The following RARB variants were observed in gnomAD, a reference collection of about 807,000 sequenced individuals.
RARB encodes the protein HBV-activated protein.
In RARB, 17 loss-of-function variants were observed where a neutral mutation model predicts 51.9. The observed-to-expected ratio is 0.33, with a 90% confidence interval of 0.22 to 0.49. The LOEUF (loss-of-function observed/expected upper bound fraction) is 0.49. Among genes scored for constraint, RARB ranks in the 20% least tolerant of loss-of-function variants. The pLI is 0.99. For synonymous variants in RARB, 215 were observed against 195.4 expected, an observed-to-expected ratio of 1.10 and a Z score of -0.84; for missense variants, 369 against 550.8, an observed-to-expected ratio of 0.67 and a Z score of 3.30.
chr3:25,145,229 T>G (rs1474505042), intron 4 of RARB, among the ~76,000 whole-genome samples: 1 of 152,248 alleles, frequency 6.6e-6, no homozygotes, highest in Non-Finnish European at 1.5e-5. Context: ...AATGGTTGCA[T>G]GCTCTTCTCT....
At chr3:25,061,519 T>A (rs1698548637) in intron 3 of RARB, among the ~76,000 whole-genome samples, 1 of 151,864 alleles carries the variant, frequency 6.6e-6, no homozygotes, top group Non-Finnish European at 1.5e-5. Context: ...TGTAACTTTG[T>A]TTTCTTCTCT....
At chr3:25,337,637 C>G (rs1005474152) in intron 5 of RARB, among the ~76,000 whole-genome samples, 2 of 152,144 alleles carry the variant, frequency 1.3e-5, no homozygotes, top group Admixed American at 6.6e-5. Flanking sequence ...TCATATTTTT[C>G]AATTACTTCT....
chr3:25,060,416 C>T (rs922162101), intron 3 of RARB, among the ~76,000 whole-genome samples: 16 of 151,664 alleles, frequency 1.1e-4, no homozygotes, highest in African/African-American at 3.9e-4. Context: ...TCTGCTAACA[C>T]GTGGATGGTA....
intron 2 of RARB, among the ~76,000 whole-genome samples, chr3:25,025,783 C>A (rs1195417828): frequency 6.6e-6 from 1 of 152,116 alleles, no homozygotes; most frequent in Non-Finnish European, 1.5e-5. Context: ...CAAGTAAACA[C>A]TTTGTGAAAC....
intron 5 of RARB, among the ~76,000 whole-genome samples, chr3:25,223,256 T>A (rs946546398): frequency 5.9e-5 from 9 of 152,258 alleles, no homozygotes; most frequent in African/African-American, 2.2e-4. Context: ...GAATTATACT[T>A]GTAGTCTTTT....
At chr3:25,519,411 C>T (rs1448505991) in intron 3 of RARB, among the ~76,000 whole-genome samples, 1 of 152,186 alleles carries the variant, frequency 6.6e-6, no homozygotes, top group African/African-American at 2.4e-5. Context: ...CCACTTGTTC[C>T]ACATCCTTGC....
chr3:25,222,991 G>A (rs1457730377), intron 5 of RARB, among the ~76,000 whole-genome samples: 1 of 152,056 alleles, frequency 6.6e-6, no homozygotes, highest in Non-Finnish European at 1.5e-5. Flanking sequence ...TTTTTAAGAA[G>A]GTAGATAGAA....
chr3:25,406,313 A>G (rs777976135), intron 5 of RARB, among the ~76,000 whole-genome samples: 1 of 152,348 alleles, frequency 6.6e-6, no homozygotes, highest in South Asian at 2.1e-4. Context: ...CGCAACCTCC[A>G]TCAGGGATTG....
At chr3:24,937,334 G>A (rs981321341) in intron 2 of RARB, among the ~76,000 whole-genome samples, 2 of 152,038 alleles carry the variant, frequency 1.3e-5, no homozygotes, top group African/African-American at 4.8e-5. Flanking sequence ...GCTGGAGAGG[G>A]GCCATCAACA....
chr3:25,003,194 C>CAAAAAAA (rs565249387), intron 2 of RARB, among the ~76,000 whole-genome samples: 2,144 of 89,220 alleles, frequency 0.024, 59 homozygotes, highest in African/African-American at 0.082. Flanking sequence ...GATCATAATG[C>CAAAAAAA]AAAAAAAAAA....
At chr3:25,433,796 C>G (rs766844232) in intron 1 of RARB, among the ~76,000 whole-genome samples, 11 of 152,184 alleles carry the variant, frequency 7.2e-5, no homozygotes, top group Non-Finnish European at 1.5e-4. Context: ...TTCCCAGCTT[C>G]CTTACCCCAT....
At chr3:25,417,464 G>A (rs1417118816) in intron 5 of RARB, among the ~76,000 whole-genome samples, 2 of 152,202 alleles carry the variant, frequency 1.3e-5, no homozygotes, top group African/African-American at 4.8e-5. Context: ...CATGGGGGCA[G>A]ATCTTTCCTG....
chr3:25,521,888 T>C (rs1436588092), intron 3 of RARB, among the ~76,000 whole-genome samples: 1 of 152,148 alleles, frequency 6.6e-6, no homozygotes, highest in Non-Finnish European at 1.5e-5. Context: ...ATAATTACAG[T>C]GAAACCTAAT....
At chr3:25,299,585 C>T (rs1465794560) in intron 5 of RARB, among the ~76,000 whole-genome samples, 1 of 152,148 alleles carries the variant, frequency 6.6e-6, no homozygotes, top group African/African-American at 2.4e-5. Flanking sequence ...TTCTTCATAT[C>T]ACATTTAATT....
intron 5 of RARB, among the ~76,000 whole-genome samples, chr3:25,202,715 G>A (rs1701427690): frequency 1.3e-5 from 2 of 152,172 alleles, no homozygotes; most frequent in African/African-American, 4.8e-5. Context: ...TCAGGAGCAG[G>A]TTGTTCAGTT....
At chr3:25,226,618 T>C (rs567178270) in intron 5 of RARB, among the ~76,000 whole-genome samples, 16 of 152,288 alleles carry the variant, frequency 1.1e-4, no homozygotes, top group African/African-American at 3.8e-4. Flanking sequence ...GGACATGAAT[T>C]TGATTTTACA....
intron 2 of RARB, among the ~76,000 whole-genome samples, chr3:24,931,889 ACT>A (rs1695447464): frequency 2.0e-5 from 3 of 151,888 alleles, no homozygotes; most frequent in African/African-American, 7.3e-5. Flanking sequence ...GTCAAGTGTG[ACT>A]CTGTGCTTCT....
chr3:24,894,038 C>T (rs1703435220), intron 2 of RARB, among the ~76,000 whole-genome samples: 1 of 152,104 alleles, frequency 6.6e-6, no homozygotes, highest in East Asian at 1.9e-4. Context: ...ATGGCAGAAT[C>T]CTATTCAAAT....
chr3:24,957,636 A>G (rs553605384), intron 2 of RARB, among the ~76,000 whole-genome samples: 3 of 152,352 alleles, frequency 2.0e-5, no homozygotes, highest in Admixed American at 2.0e-4. Flanking sequence ...CTATTAGTCT[A>G]TCATTTTGAA....
Sources: allele counts gnomAD v4.1 joint callset (sites outside exome capture counted in the v4.1 genomes callset), GRCh38; gene constraint gnomAD v4.1.1; transcripts MANE v1.5; gene names NCBI Gene and HGNC (gene_info 2026-07-23, HGNC 2026-07-21).